The following SNRPC variants were observed in gnomAD, a reference collection of about 807,000 sequenced individuals.
SNRPC encodes U1 small nuclear ribonucleoprotein C.
Under a neutral mutation model 20.0 loss-of-function variants are expected in SNRPC, and 5 were observed. The ratio of observed to expected loss-of-function variants is 0.25; its 90% confidence interval spans 0.13 to 0.53. SNRPC has a LOEUF of 0.53. Ranked by LOEUF, SNRPC falls within the 20% of genes least tolerant of loss-of-function variation. The pLI is 0.96. For synonymous variants in SNRPC, 61 were observed against 58.7 expected (o/e 1.04, Z -0.18); for missense variants, 112 against 224.1 (o/e 0.50, Z 3.19).
chr6:34,772,677 T>C (rs1764705486), intron 5 of SNRPC, among the ~76,000 whole-genome samples: 1 of 152,150 alleles, frequency 6.6e-6, no homozygotes, highest in African/African-American at 2.4e-5. Context: ...TGTGGCGTAA[T>C]AGTAAAATTA....
In SNRPC at chr6:34,770,322, A is replaced by C. The variant is rs749022214; in HGVS notation, c.282A>C (p.Ala94=). Residue 94 remains alanine, a synonymous_variant, in exon 5 of 6, where the codon GCA becomes GCC. Transcript: ENST00000244520. ...CTCCTCGCCCTGGTATGATGCCAGC[A>C]CCCCATATGGGGGGCCCTCCCATGA... The part of the protein sequence containing the change: ...PGPPRPGMMP[A]PHMGGPPMMP... 5.6e-6 allele frequency: 9 copies of C among 1,613,488 alleles called. No individual in the cohort carries two copies. The highest frequency in any genetic ancestry group is 7.6e-6 in the Non-Finnish European group (9 of 1,179,424).
chr6:34,765,487 A>G lies in SNRPC; in HGVS notation c.161-2421A>G, dbSNP rs910505439. Among the ~76,000 whole-genome samples the G allele has an allele frequency of 3.3e-5, 5 of 151,904 alleles. No homozygotes were observed. The East Asian group carries it at 9.6e-4, about 29-fold the overall frequency. On this transcript the variant is annotated intron_variant, in intron 3 of 5. Transcript: ENST00000244520. ...AGTCTTGCTCCATTGCCCAGGTTGG[A>G]GTGCAGTGGCACGATCTCAGCTCAC...
Position 34,773,574 on chromosome 6 carries a change from T to TA in SNRPC, c.*5dup. The TA allele has an allele frequency of 6.2e-7, 1 of 1,613,136 alleles. No individual in the cohort carries two copies. The highest frequency in any genetic ancestry group is 8.5e-7 in the Non-Finnish European group (1 of 1,179,562). On this transcript the variant is annotated 3_prime_UTR_variant, in exon 6 of 6. Transcript: ENST00000244520. The surrounding 1 kb of genome is among the most constrained non-coding windows in gnomAD (Gnocchi z 4.1). ...AATGACTCGACCAGACAGATAAGGA[T>TA]AGAGGGGAGGCCTTATTGTATCGGT... is the stretch of plus-strand genomic sequence containing the variant.
At chr6:34,769,217 T>TTTTC (rs1396138388) in intron 4 of SNRPC, among the ~76,000 whole-genome samples, 21 of 147,704 alleles carry the variant, frequency 1.4e-4, no homozygotes, top group Non-Finnish European at 1.2e-4. Context: ...TACCTCACTA[T>TTTTC]TTTCTTTCTT....
chr6:34,765,130 A>G (rs1581591245), intron 3 of SNRPC, among the ~76,000 whole-genome samples: 1 of 152,156 alleles, frequency 6.6e-6, no homozygotes, highest in South Asian at 2.1e-4. Flanking sequence ...AAGTTTCTCA[A>G]CCTCGATACT....
intron 3 of SNRPC, among the ~76,000 whole-genome samples, chr6:34,766,000 A>G (rs1764608905): frequency 6.9e-6 from 1 of 143,990 alleles, no homozygotes; most frequent in Admixed American, 6.9e-5. Context: ...CTCGGCCTCC[A>G]GAAGTGTTGG....
At chr6:34,759,036 A>G (rs969702345) in intron 2 of SNRPC, among the ~76,000 whole-genome samples, 4 of 150,030 alleles carry the variant, frequency 2.7e-5, no homozygotes, top group Non-Finnish European at 4.5e-5. Flanking sequence ...AAAAAAAAAA[A>G]AAAAAAAAAG....
At chr6:34,762,778 C>T in intron 3 of SNRPC, 75 bp downstream of exon 3, 5 of 752,688 alleles carry the variant, frequency 6.6e-6, no homozygotes, top group Non-Finnish European at 1.2e-5. Context: ...GTGTTTTTCA[C>T]AGAGGCAACT....
chr6:34,760,060 T>G (rs1474954162), intron 2 of SNRPC, among the ~76,000 whole-genome samples: 2 of 152,110 alleles, frequency 1.3e-5, no homozygotes, highest in Non-Finnish European at 1.5e-5. Flanking sequence ...ATGTGGAACA[T>G]TTAAGTTGGG....
chr6:34,767,152 T>TA (rs1764624230), intron 3 of SNRPC, among the ~76,000 whole-genome samples: 1 of 152,232 alleles, frequency 6.6e-6, no homozygotes, highest in Non-Finnish European at 1.5e-5. Flanking sequence ...TCCAAACTGG[T>TA]AAACCAACAT....
chr6:34,767,895 T>C lies in SNRPC; in HGVS notation c.161-13T>C, dbSNP rs774415342. ...TTCATCTTTTTTTTTTTTTTTTTCCTCACCCTCCAAAGCGGCTGCATTTCA... is the reference window on the plus strand; with the variant it reads ...TTCATCTTTTTTTTTTTTTTTTTCCCCACCCTCCAAAGCGGCTGCATTTCA... On this transcript the variant is annotated splice_polypyrimidine_tract_variant and intron_variant, in intron 3 of 5. Coordinates refer to ENST00000244520, the MANE Select transcript of SNRPC (RefSeq NM_003093.3). 4.3e-6 allele frequency: 6 copies of C among 1,393,726 alleles called. No individual in the cohort carries two copies. In the Admixed American group the frequency reaches 8.2e-5, roughly 19 times the overall value. The allele number at this position is 1,393,726 out of a possible 1,614,324, so 86.3% of individuals were successfully genotyped here.
rs1764711469 is a variant in SNRPC, at chr6:34,773,257, T to G, written c.356-189T>G. On this transcript the variant is annotated intron_variant, in intron 5 of 5. Coordinates refer to ENST00000244520, the MANE Select transcript of SNRPC (RefSeq NM_003093.3). The surrounding 1 kb of genome is among the most constrained non-coding windows in gnomAD (Gnocchi z 4.1). ...TTCTTGTGTTGACCTTTTTGTTTTT[T>G]GTTTGAGAATGTCTAAGTAATTTAC... Among the ~76,000 whole-genome samples the G allele has an allele frequency of 6.6e-6, 1 of 152,254 alleles. No individual in the cohort carries two copies. The highest frequency in any genetic ancestry group is 2.4e-5 in the African/African-American group (1 of 41,472).
intron 2 of SNRPC, among the ~76,000 whole-genome samples, chr6:34,761,057 CA>C (rs202046084): frequency 2.6e-4 from 35 of 133,246 alleles, no homozygotes; most frequent in Admixed American, 5.9e-4. Context: ...CAAAAAAAAC[CA>C]AAAAAAAAAA....
chr6:34,770,202 A>G (rs1002789044), intron 4 of SNRPC, 89 bp from the exon 5 acceptor site: 1 of 984,308 alleles, frequency 1.0e-6, no homozygotes, highest in South Asian at 1.3e-5. Context: ...GGCCTGGGCA[A>G]CAAGAACGAA....
chr6:34,760,814 A>G (rs1764525793), intron 2 of SNRPC, among the ~76,000 whole-genome samples: 1 of 152,048 alleles, frequency 6.6e-6, no homozygotes, highest in Admixed American at 6.6e-5. Context: ...TAGGAGGCCA[A>G]GGTGGGCAGA....
chr6:34,757,513 T>G lies in SNRPC; in HGVS notation c.-31T>G. The G allele has an allele frequency of 6.2e-7, 1 of 1,612,174 alleles. No homozygotes were observed. Among genetic ancestry groups the G allele is most frequent in the Non-Finnish European group, 8.5e-7 (1 of 1,178,306 alleles). On this transcript the variant is annotated 5_prime_UTR_variant, in exon 1 of 6. Coordinates refer to ENST00000244520, the MANE Select transcript of SNRPC (RefSeq NM_003093.3). ...GTGCGCGTCATTTCCGGGCGTCACG[T>G]AACGGAGTGGCCAACGGCCTGCAGA...
At chr6:34,762,526 TA>T in intron 2 of SNRPC, 68 bp from the exon 3 acceptor site, 1 of 820,818 alleles carries the variant, frequency 1.2e-6, no homozygotes, top group Non-Finnish European at 2.1e-6. Flanking sequence ...TATATAAAGG[TA>T]AAACTTTATT....
In SNRPC at chr6:34,757,526, A is replaced by T; in HGVS notation, c.-18A>T. On this transcript the variant is annotated 5_prime_UTR_variant, in exon 1 of 6. Coordinates refer to ENST00000244520, the MANE Select transcript of SNRPC (RefSeq NM_003093.3). ...CCGGGCGTCACGTAACGGAGTGGCC[A>T]ACGGCCTGCAGAGCAACATGCCCAA... is the stretch of plus-strand genomic sequence containing the variant. 6.2e-7 allele frequency: 1 copy of T among 1,613,450 alleles called. No individual in the cohort carries two copies. Among genetic ancestry groups the T allele is most frequent in the South Asian group, 1.1e-5 (1 of 91,054 alleles).
At chr6:34,770,234 A>T in intron 4 of SNRPC, 57 bp from the exon 5 acceptor site, 1 of 1,250,690 alleles carries the variant, frequency 8.0e-7, no homozygotes, top group Non-Finnish European at 1.2e-6. Flanking sequence ...AAAAAAAAGA[A>T]GAGAAAATGT....
Sources: gnomAD v4.1 joint callset for allele counts (sites outside exome capture counted in the v4.1 genomes callset) on GRCh38, gnomAD v4.1.1 for gene constraint, Gnocchi (gnomAD v3.1) non-coding constraint, MANE v1.5 for transcripts, NCBI Gene and HGNC (gene_info 2026-07-23, HGNC 2026-07-21) for gene names.